LRP1B: variants seen among roughly 807,000 people sequenced by gnomAD.
LRP1B encodes the protein low-density lipoprotein receptor-related protein 1B.
LRP1B carries 217 observed loss-of-function variants against 556.6 expected under a neutral mutation model. That is an observed-to-expected ratio of 0.39 (90% CI 0.35 to 0.44). The LOEUF is 0.44. Among genes scored for constraint, LRP1B ranks in the 20% least tolerant of loss-of-function variants. The pLI is 1.00. For synonymous variants in LRP1B, 2,047 were observed against 1,865.8 expected, an observed-to-expected ratio of 1.10 and a Z score of -2.50; for missense variants, 5,053 against 5,620.8, an observed-to-expected ratio of 0.90 and a Z score of 3.23.
intron 3 of LRP1B, among the ~76,000 whole-genome samples, chr2:141,414,192 G>C (rs1486931741): frequency 1.4e-5 from 2 of 145,818 alleles, no homozygotes; most frequent in South Asian, 2.2e-4. Context: ...AGCGGAGATA[G>C]CGCCACTGCA....
At chr2:141,149,674 T>C (rs1475598151) in intron 7 of LRP1B, among the ~76,000 whole-genome samples, 1 of 152,168 alleles carries the variant, frequency 6.6e-6, no homozygotes, top group Non-Finnish European at 1.5e-5. Flanking sequence ...AGGCACTGCG[T>C]CGGCTTCAGT....
intron 6 of LRP1B, among the ~76,000 whole-genome samples, chr2:141,198,541 TGG>T (rs1681848224): frequency 1.3e-5 from 2 of 152,130 alleles, no homozygotes; most frequent in Admixed American, 1.3e-4. Context: ...TGTCATTTGG[TGG>T]CAGGTCAATA....
intron 66 of LRP1B, among the ~76,000 whole-genome samples, chr2:140,408,778 T>C (rs1424573071): frequency 6.6e-6 from 1 of 152,006 alleles, no homozygotes; most frequent in African/African-American, 2.4e-5. Context: ...AAAAAAATGA[T>C]ATCTTTCTAC....
At chr2:140,897,865 T>C (rs1693996401) in intron 23 of LRP1B, among the ~76,000 whole-genome samples, 1 of 152,148 alleles carries the variant, frequency 6.6e-6, no homozygotes, top group Non-Finnish European at 1.5e-5. Flanking sequence ...CTCAGACTGG[T>C]TTCCGGGCTC....
intron 66 of LRP1B, among the ~76,000 whole-genome samples, chr2:140,432,502 A>G (rs942870585): frequency 6.6e-6 from 1 of 152,170 alleles, no homozygotes; most frequent in Admixed American, 6.5e-5. Flanking sequence ...GTGATTTCCT[A>G]ATAGCCAGTT....
chr2:141,866,571 T>C (rs1451273184), intron 1 of LRP1B, among the ~76,000 whole-genome samples: 1 of 152,184 alleles, frequency 6.6e-6, no homozygotes, highest in Admixed American at 6.6e-5. Context: ...CTTACTACTT[T>C]ATTAGTACTA....
At chr2:141,132,426 C>T (rs1701381686) in intron 7 of LRP1B, among the ~76,000 whole-genome samples, 1 of 152,006 alleles carries the variant, frequency 6.6e-6, no homozygotes, top group South Asian at 2.1e-4. Context: ...CTTTGACTTT[C>T]TCTGCCATGT....
At position 141,471,268 on chromosome 2, in the gene LRP1B, AT is replaced by A. The variant is rs1553518974; in HGVS notation, c.343+9127del. Among the ~76,000 whole-genome samples, 94 of 31,884 alleles carry A rather than the reference AT, an allele frequency of 2.9e-3. 1 individual carries two copies. Among genetic ancestry groups the A allele is most frequent in the African/African-American group, 5.5e-3 (75 of 13,724 alleles). 20.9% of individuals were successfully genotyped at this position (31,884 alleles called of 152,430 possible). On this transcript the variant is annotated intron_variant, in intron 3 of 90. Coordinates refer to ENST00000389484, the MANE Select transcript of LRP1B (RefSeq NM_018557.3). The stretch of plus-strand genomic sequence containing the variant: ...AATACTATTGAGAATATACCCTGGT[AT>A]TTTTTTTTTTTTTTTTTTTTTTTTT...
chr2:141,294,151 A>G (rs1243309073), intron 3 of LRP1B, among the ~76,000 whole-genome samples: 3 of 152,172 alleles, frequency 2.0e-5, no homozygotes, highest in Non-Finnish European at 4.4e-5. Context: ...TAGAGGTGAC[A>G]AAAATATCTT....
At chr2:140,471,868 C>T (rs576867624) in intron 60 of LRP1B, among the ~76,000 whole-genome samples, 69 of 152,244 alleles carry the variant, frequency 4.5e-4, no homozygotes, top group Non-Finnish European at 1.9e-4. Context: ...ATATGACTTC[C>T]AGTCATAGGC....
chr2:140,593,173 A>C (rs1190913650), intron 43 of LRP1B, among the ~76,000 whole-genome samples: 1 of 152,176 alleles, frequency 6.6e-6, no homozygotes, highest in Non-Finnish European at 1.5e-5. Context: ...AAAAGTCATA[A>C]GATTTAAGAT....
At chr2:140,962,774 A>C (rs1334961032) in intron 18 of LRP1B, among the ~76,000 whole-genome samples, 2 of 152,190 alleles carry the variant, frequency 1.3e-5, no homozygotes, top group Non-Finnish European at 2.9e-5. Context: ...GCAGCAGTGG[A>C]AAGGTGTTTT....
intron 3 of LRP1B, among the ~76,000 whole-genome samples, chr2:141,311,983 C>G (rs1686828349): frequency 6.6e-6 from 1 of 152,072 alleles, no homozygotes; most frequent in South Asian, 2.1e-4. Context: ...ATGAAGCTTG[C>G]TTTGCCATGA....
intron 32 of LRP1B, among the ~76,000 whole-genome samples, chr2:140,792,391 A>G (rs1208124316): frequency 6.6e-6 from 1 of 152,216 alleles, no homozygotes; most frequent in East Asian, 1.9e-4. Flanking sequence ...TTTGTTGACA[A>G]TCCTGTTTTA....
chr2:141,862,123 TTAATA>T (rs1402674158), intron 1 of LRP1B, among the ~76,000 whole-genome samples: 12 of 152,132 alleles, frequency 7.9e-5, no homozygotes, highest in Non-Finnish European at 1.3e-4. Context: ...TGACTCTAAT[TTAATA>T]TGTTAAATGA....
chr2:141,880,260 C>A (rs1371121278), intron 1 of LRP1B, among the ~76,000 whole-genome samples: 1 of 151,818 alleles, frequency 6.6e-6, no homozygotes, highest in Non-Finnish European at 1.5e-5. Flanking sequence ...ACTGTTGGCT[C>A]CTCACAGCTT....
chr2:140,745,701 GATCT>G (rs1375209369), intron 35 of LRP1B, among the ~76,000 whole-genome samples: 4 of 152,028 alleles, frequency 2.6e-5, no homozygotes, highest in Non-Finnish European at 5.9e-5. Flanking sequence ...CCCACTGCCT[GATCT>G]TTCTTCACTT....
rs80353108 is a variant in LRP1B, at chr2:140,611,203, T to C, written c.6800-9564A>G. 2.0e-3 allele frequency among the ~76,000 whole-genome samples: 310 copies of C among 152,298 alleles called. 3 individuals are homozygous for C. The highest frequency in any genetic ancestry group is 3.5e-3 in the Non-Finnish European group (239 of 68,016). On this transcript the variant is annotated intron_variant, in intron 41 of 90. Coordinates refer to ENST00000389484, the MANE Select transcript of LRP1B (RefSeq NM_018557.3). ...AGACTACAATCTAGATTTATAAATA[T>C]AATTCTGTTTTTATTATAAGAAGTT...
rs540614793 is a variant in LRP1B, at chr2:141,026,584, A to G, written c.1790-6482T>C. 1.5e-4 allele frequency among the ~76,000 whole-genome samples: 23 copies of G among 152,182 alleles called. No individual in the cohort carries two copies. The South Asian group carries it at 3.9e-3, about 26-fold the overall frequency. ...TAACCAGGCTAAATCAACCAAAACTATACTTGTTTCAGATCCACATAAATA... is the reference window on the plus strand; with the variant it reads ...TAACCAGGCTAAATCAACCAAAACTGTACTTGTTTCAGATCCACATAAATA... On this transcript the variant is annotated intron_variant, in intron 11 of 90. Transcript: ENST00000389484.
Sources: allele counts gnomAD v4.1 joint callset (sites outside exome capture counted in the v4.1 genomes callset), GRCh38; gene constraint gnomAD v4.1.1; transcripts MANE v1.5; gene names NCBI Gene and HGNC (gene_info 2026-07-23, HGNC 2026-07-21).